The following CHD1L variants were observed in gnomAD, a reference collection of about 807,000 sequenced individuals.
CHD1L encodes chromodomain helicase DNA binding protein 1 like, also known as ATP-dependent chromatin remodeler CHD1L.
A neutral mutation model predicts 115.9 loss-of-function variants in CHD1L; 118 were observed. That is an observed-to-expected ratio of 1.02 (90% CI 0.88 to 1.19). CHD1L has a LOEUF of 1.19. CHD1L is among the 50% of genes most tolerant of loss of function. CHD1L has a pLI of 0.00. For missense variants in CHD1L, 1,179 were observed against 1,065.3 expected (o/e 1.11, Z -1.49); for synonymous variants, 411 against 387.1 (o/e 1.06, Z -0.72).
the CHD1L span, among the ~76,000 whole-genome samples, chr1:147,235,866 G>A: frequency 6.6e-6 from 1 of 152,166 alleles, no homozygotes; most frequent in Non-Finnish European, 1.5e-5. Flanking sequence ...GTGTTGCTTT[G>A]TGAGACAGAA....
At chr1:147,258,594 C>T (rs1219734662) in intron 5 of CHD1L, among the ~76,000 whole-genome samples, 1 of 152,150 alleles carries the variant, frequency 6.6e-6, no homozygotes, top group African/African-American at 2.4e-5. Flanking sequence ...TCTCTTTGGA[C>T]CCTCAGTCCT....
chr1:147,264,721 G>C (rs1673229129), intron 7 of CHD1L, 137 bp downstream of exon 7: 2 of 809,080 alleles, frequency 2.5e-6, no homozygotes, highest in Non-Finnish European at 3.8e-6. Flanking sequence ...GCTGATATTA[G>C]GGAGATGTTA....
intron 9 of CHD1L, among the ~76,000 whole-genome samples, chr1:147,268,186 C>T (rs1674706317): frequency 6.6e-6 from 1 of 152,130 alleles, no homozygotes; most frequent in Non-Finnish European, 1.5e-5. Context: ...TTCCCCTGGG[C>T]ACCGCTTTAG....
the CHD1L span, chr1:147,179,660 T>C: frequency 8.1e-7 from 1 of 1,234,682 alleles, no homozygotes; most frequent in Non-Finnish European, 1.2e-6. Flanking sequence ...GTAAAAGGAC[T>C]CTTCCACCAG....
chr1:147,206,738 G>C, the CHD1L span, among the ~76,000 whole-genome samples: 1 of 152,044 alleles, frequency 6.6e-6, no homozygotes, highest in South Asian at 2.1e-4. Context: ...ACAGGAAGGG[G>C]AACATCACAC....
At chr1:147,259,256 CT>C (rs1671121263) in intron 5 of CHD1L, 1 of 152,206 alleles carries the variant, frequency 6.6e-6, no homozygotes, top group Non-Finnish European at 1.5e-5. Context: ...CCACTAATGA[CT>C]TCCATGTCAA....
the CHD1L span, among the ~76,000 whole-genome samples, chr1:147,233,880 C>A: frequency 6.6e-6 from 1 of 151,914 alleles, no homozygotes; most frequent in African/African-American, 2.4e-5. Context: ...CTTTGTTAAA[C>A]AGAAGCTTGA....
At chr1:147,206,975 C>G in the CHD1L span, among the ~76,000 whole-genome samples, 1 of 151,354 alleles carries the variant, frequency 6.6e-6, no homozygotes, top group Admixed American at 6.6e-5. Context: ...AGAGACATGA[C>G]AACTAAATGT....
the CHD1L span, chr1:147,208,740 C>T: frequency 3.5e-6 from 3 of 856,912 alleles, no homozygotes; most frequent in South Asian, 3.2e-5. Flanking sequence ...TGCCCAGCCA[C>T]TGTGGGTTTT....
At chr1:147,202,934 G>A in the CHD1L span, among the ~76,000 whole-genome samples, 6 of 151,944 alleles carry the variant, frequency 3.9e-5, no homozygotes, top group Non-Finnish European at 8.8e-5. Flanking sequence ...TCTACTCCTT[G>A]TTATCTCAAC....
chr1:147,292,491 T>C (rs1685907574), intron 20 of CHD1L, among the ~76,000 whole-genome samples: 1 of 152,172 alleles, frequency 6.6e-6, no homozygotes, highest in Admixed American at 6.5e-5. Context: ...GCTCATCCTT[T>C]TGAGGTTGCT....
intron 1 of CHD1L, 152 bp downstream of exon 1, chr1:147,242,982 C>A: frequency 1.0e-6 from 1 of 992,940 alleles, no homozygotes; most frequent in Non-Finnish European, 1.3e-6. Context: ...CGGAGAGAAA[C>A]TGCGCCCGGG....
Position 147,242,690 on chromosome 1 carries a change from C to T in CHD1L, c.-14C>T. On this transcript the variant is annotated 5_prime_UTR_variant, in exon 1 of 23. Coordinates refer to ENST00000369258, the MANE Select transcript of CHD1L (RefSeq NM_004284.6). ...GCGCGCTTGGCCGCGCGGGGCGGGG[C>T]CTCTACCGGCCCGATGGAGCGCGCG... 4.8e-6 allele frequency: 6 copies of T among 1,262,314 alleles called. No homozygotes were observed. The highest frequency in any genetic ancestry group is 5.0e-6 in the Non-Finnish European group (5 of 1,001,458). 78.2% of individuals were successfully genotyped at this position (1,262,314 alleles called of 1,614,324 possible).
At position 147,283,665 on chromosome 1, in the gene CHD1L, A is replaced by G. The variant is rs587667366; in HGVS notation, c.1706-686A>G. 3.7e-4 allele frequency among the ~76,000 whole-genome samples: 57 copies of G among 152,308 alleles called. 2 individuals are homozygous for G. The South Asian group carries it at 0.012, about 31-fold the overall frequency. ...AGATGACACTATTGTCTTCATTGTT[A>G]TTATTACCACAGTTATTATTTGCTA... On this transcript the variant is annotated intron_variant, in intron 15 of 22. Transcript: ENST00000369258.
chr1:147,176,645 C>T, the CHD1L span, among the ~76,000 whole-genome samples: 43,560 of 152,004 alleles, frequency 0.29, 6,385 homozygotes, highest in African/African-American at 0.37. Context: ...TAAATATTCA[C>T]TGCAAATTTC....
At chr1:147,275,038 T>G (rs1677797491) in intron 12 of CHD1L, among the ~76,000 whole-genome samples, 1 of 152,186 alleles carries the variant, frequency 6.6e-6, no homozygotes. Flanking sequence ...CAAAATCTAA[T>G]CAAGGTTTTT....
intron 16 of CHD1L, 25 bp from the exon 17 acceptor site, chr1:147,285,299 G>C: frequency 6.2e-7 from 1 of 1,601,252 alleles, no homozygotes. Context: ...CTTGACCCTG[G>C]TGATGGATCT....
At chr1:147,222,954 C>T in the CHD1L span, among the ~76,000 whole-genome samples, 1 of 152,182 alleles carries the variant, frequency 6.6e-6, no homozygotes, top group Non-Finnish European at 1.5e-5. Context: ...CCATCCTAGG[C>T]CTACTGAATA....
At chr1:147,182,919 G>C in the CHD1L span, among the ~76,000 whole-genome samples, 1 of 152,184 alleles carries the variant, frequency 6.6e-6, no homozygotes, top group Non-Finnish European at 1.5e-5. Context: ...AACATACCAG[G>C]CCGGGCGTGG....
Sources: gnomAD v4.1 joint callset for allele counts (sites outside exome capture counted in the v4.1 genomes callset) on GRCh38, gnomAD v4.1.1 for gene constraint, MANE v1.5 for transcripts, NCBI Gene and HGNC (gene_info 2026-07-23, HGNC 2026-07-21) for gene names.